PDGFD: variants seen among roughly 807,000 people sequenced by gnomAD.
PDGFD encodes platelet derived growth factor D, also known as platelet-derived growth factor D.
Under a neutral mutation model 44.7 loss-of-function variants are expected in PDGFD, and 30 were observed. The ratio of observed to expected loss-of-function variants is 0.67; its 90% CI spans 0.50 to 0.91. PDGFD has a LOEUF of 0.91. Among genes scored for constraint, PDGFD ranks in the 40% least tolerant of loss-of-function variants. PDGFD has a pLI of 0.00. For missense variants in PDGFD, 445 were observed against 457.8 expected (o/e 0.97, Z 0.25); for synonymous variants, 173 against 168.4 (o/e 1.03, Z -0.21).
At chr11:104,083,358 C>T (rs1861075065) in intron 1 of PDGFD, among the ~76,000 whole-genome samples, 2 of 152,064 alleles carry the variant, frequency 1.3e-5, no homozygotes, top group Non-Finnish European at 2.9e-5. Context: ...TTAAAGAACC[C>T]GGCTTATAAG....
chr11:104,024,983 T>C (rs979410370), intron 1 of PDGFD, among the ~76,000 whole-genome samples: 2 of 152,224 alleles, frequency 1.3e-5, no homozygotes, highest in East Asian at 1.9e-4. Flanking sequence ...CAATGCTATG[T>C]GTATTTTTCA....
At chr11:104,161,960 T>A (rs971691166) in intron 1 of PDGFD, among the ~76,000 whole-genome samples, 14 of 149,580 alleles carry the variant, frequency 9.4e-5, no homozygotes, top group East Asian at 1.9e-4. Flanking sequence ...AGTGTGTGTG[T>A]GTGTGTGTGT....
intron 1 of PDGFD, among the ~76,000 whole-genome samples, chr11:104,013,148 T>C (rs1206039420): frequency 6.6e-6 from 1 of 152,152 alleles, no homozygotes; most frequent in Non-Finnish European, 1.5e-5. Flanking sequence ...GGAGAGGAGC[T>C]TGGCCTGGGA....
intron 1 of PDGFD, among the ~76,000 whole-genome samples, chr11:104,127,784 T>A (rs893703547): frequency 1.3e-5 from 2 of 152,138 alleles, no homozygotes; most frequent in Non-Finnish European, 2.9e-5. Flanking sequence ...AATGCTAAGA[T>A]GAATGATAAG....
At chr11:104,138,808 C>T (rs1672437497) in intron 1 of PDGFD, among the ~76,000 whole-genome samples, 1 of 152,152 alleles carries the variant, frequency 6.6e-6, no homozygotes, top group South Asian at 2.1e-4. Flanking sequence ...GTTGCCCAGG[C>T]TGGAGTGCAG....
At chr11:104,022,515 C>T (rs1859976399) in intron 1 of PDGFD, among the ~76,000 whole-genome samples, 1 of 152,048 alleles carries the variant, frequency 6.6e-6, no homozygotes, top group East Asian at 1.9e-4. Flanking sequence ...ATTTTACCCC[C>T]CTCCAATTTC....
At chr11:103,910,064 C>A (rs1415081118) in intron 6 of PDGFD, among the ~76,000 whole-genome samples, 1 of 149,344 alleles carries the variant, frequency 6.7e-6, no homozygotes, top group Admixed American at 6.7e-5. Flanking sequence ...CCTGAAGTAC[C>A]CAGATGATTT....
At position 103,959,864 on chromosome 11, in the gene PDGFD, T is replaced by A. The variant is rs558644934; in HGVS notation, c.511-12140A>T. On this transcript the variant is annotated intron_variant, in intron 3 of 6. Transcript: ENST00000393158. ...AGTCTTCTCCTCCAGGCTGGGAGGATCATTTTGGAATAGGATAAATGGTAA... is the reference window on the plus strand; with the variant it reads ...AGTCTTCTCCTCCAGGCTGGGAGGAACATTTTGGAATAGGATAAATGGTAA... 6.6e-5 allele frequency among the ~76,000 whole-genome samples: 10 copies of A among 152,290 alleles called. No individual in the cohort carries two copies. The South Asian group carries it at 2.1e-3, about 32-fold the overall frequency.
intron 1 of PDGFD, among the ~76,000 whole-genome samples, chr11:104,032,424 G>A (rs774361399): frequency 3.9e-5 from 6 of 151,978 alleles, no homozygotes; most frequent in African/African-American, 7.3e-5. Flanking sequence ...TTGATTACAC[G>A]TTAAAGGTAA....
At chr11:104,147,227 T>C (rs576718712) in intron 1 of PDGFD, among the ~76,000 whole-genome samples, 1 of 152,234 alleles carries the variant, frequency 6.6e-6, no homozygotes, top group Non-Finnish European at 1.5e-5. Context: ...GCTTGGTTTT[T>C]CACAGCATAA....
intron 1 of PDGFD, among the ~76,000 whole-genome samples, chr11:104,107,728 C>A (rs1861491442): frequency 6.6e-6 from 1 of 152,110 alleles, no homozygotes; most frequent in Non-Finnish European, 1.5e-5. Flanking sequence ...AGCTGTGTGA[C>A]TTTTGGCAAG....
chr11:104,135,422 G>T (rs958904970), intron 1 of PDGFD, among the ~76,000 whole-genome samples: 1 of 152,166 alleles, frequency 6.6e-6, no homozygotes, highest in Non-Finnish European at 1.5e-5. Flanking sequence ...GTCCAAAATG[G>T]TGCAATATGT....
chr11:104,027,913 G>A (rs1467713012), intron 1 of PDGFD, among the ~76,000 whole-genome samples: 3 of 152,080 alleles, frequency 2.0e-5, no homozygotes, highest in Non-Finnish European at 4.4e-5. Flanking sequence ...AGCATAGGCC[G>A]GGCGCGGTGG....
chr11:104,129,104 TAA>T (rs1861880474), intron 1 of PDGFD, among the ~76,000 whole-genome samples: 1 of 152,084 alleles, frequency 6.6e-6, no homozygotes, highest in African/African-American at 2.4e-5. Flanking sequence ...TTTAAAAATA[TAA>T]GAGACACAGC....
At chr11:104,143,176 G>T (rs1862111924) in intron 1 of PDGFD, among the ~76,000 whole-genome samples, 1 of 152,086 alleles carries the variant, frequency 6.6e-6, no homozygotes, top group Non-Finnish European at 1.5e-5. Flanking sequence ...GTTTTTAAAT[G>T]TTTTTTGTTT....
chr11:104,026,489 AT>A (rs1192487088), intron 1 of PDGFD, among the ~76,000 whole-genome samples: 3 of 151,796 alleles, frequency 2.0e-5, no homozygotes, highest in Non-Finnish European at 3.0e-5. Flanking sequence ...ACCAAAAAAC[AT>A]TTTTTAAACC....
At chr11:104,102,583 T>C (rs1418024761) in intron 1 of PDGFD, among the ~76,000 whole-genome samples, 1 of 152,212 alleles carries the variant, frequency 6.6e-6, no homozygotes, top group Non-Finnish European at 1.5e-5. Context: ...ACTGGATATA[T>C]ACTCAAAGGA....
intron 1 of PDGFD, among the ~76,000 whole-genome samples, chr11:104,060,844 G>A (rs1197099723): frequency 6.6e-6 from 1 of 152,142 alleles, no homozygotes; most frequent in Non-Finnish European, 1.5e-5. Flanking sequence ...AAAAACTGGA[G>A]TAAAATATAC....
intron 3 of PDGFD, 138 bp from the exon 4 acceptor site, chr11:103,947,862 G>A: frequency 4.4e-6 from 3 of 680,672 alleles, no homozygotes; most frequent in Non-Finnish European, 8.0e-6. Flanking sequence ...TGCTGAACAG[G>A]TCACCATTTG....
Sources: gnomAD v4.1 joint callset for allele counts (sites outside exome capture counted in the v4.1 genomes callset) on GRCh38, gnomAD v4.1.1 for gene constraint, MANE v1.5 for transcripts, NCBI Gene and HGNC (gene_info 2026-07-23, HGNC 2026-07-21) for gene names.